DKK2: variants seen among roughly 807,000 people sequenced by gnomAD.
DKK2 encodes dickkopf-related protein 2.
DKK2 carries 11 observed loss-of-function variants against 28.1 expected under a neutral mutation model. The observed-to-expected ratio is 0.39, with a 90% CI of 0.25 to 0.65. The LOEUF is 0.65. DKK2 is among the 30% of genes least tolerant of loss of function. DKK2 has a pLI of 0.47. For synonymous variants in DKK2, 135 were observed against 126.5 expected, an observed-to-expected ratio of 1.07 and a Z score of -0.45; for missense variants, 326 against 335.5, an observed-to-expected ratio of 0.97 and a Z score of 0.22.
At chr4:106,995,190 A>G (rs974604312) in intron 1 of DKK2, among the ~76,000 whole-genome samples, 5 of 152,168 alleles carry the variant, frequency 3.3e-5, no homozygotes, top group Admixed American at 6.5e-5. Flanking sequence ...TTTGAGAATT[A>G]ATGCCTGCAG....
intron 1 of DKK2, among the ~76,000 whole-genome samples, chr4:106,979,769 G>A (rs992341459): frequency 6.6e-6 from 1 of 152,156 alleles, no homozygotes; most frequent in African/African-American, 2.4e-5. Context: ...CCTTACTACC[G>A]ACTTACTCAA....
chr4:106,982,044 AT>A (rs140450461), intron 1 of DKK2, among the ~76,000 whole-genome samples: 4,674 of 152,260 alleles, frequency 0.031, 81 homozygotes, highest in African/African-American at 0.044. Context: ...CTAATAACAT[AT>A]TTTATGATTC....
At chr4:107,003,868 T>C (rs147569776) in intron 1 of DKK2, among the ~76,000 whole-genome samples, 157 of 152,312 alleles carry the variant, frequency 1.0e-3, no homozygotes, top group African/African-American at 3.4e-3. Flanking sequence ...TATACGCACT[T>C]TTGAGAAGCA....
rs550954896 is a variant in DKK2, at chr4:106,972,055, T to C, written c.223-46106A>G. Among the ~76,000 whole-genome samples, 6 of 152,262 alleles carry C rather than the reference T, an allele frequency of 3.9e-5. 1 individual carries two copies. In the East Asian group the frequency reaches 1.2e-3, roughly 29 times the overall value. On this transcript the variant is annotated intron_variant, in intron 1 of 3. Coordinates refer to ENST00000285311, the MANE Select transcript of DKK2 (RefSeq NM_014421.3). ...TAATATGTCCAAATAAATAAAGGCC[T>C]CAGGCCAGTAATGCTGTAATAAATC...
intron 1 of DKK2, among the ~76,000 whole-genome samples, chr4:106,993,466 A>G (rs1723231523): frequency 6.6e-6 from 1 of 152,196 alleles, no homozygotes. Flanking sequence ...ACGAAGACCA[A>G]TTTCCATTAC....
chr4:107,030,356 A>G (rs868295650), intron 1 of DKK2, among the ~76,000 whole-genome samples: 1 of 152,046 alleles, frequency 6.6e-6, no homozygotes, highest in Non-Finnish European at 1.5e-5. Flanking sequence ...AATTTTTCTT[A>G]TGCATTCTAT....
In DKK2 at chr4:106,939,615, G is replaced by C. The variant is rs1043827937; in HGVS notation, c.223-13666C>G. On this transcript the variant is annotated intron_variant, in intron 1 of 3. Transcript: ENST00000285311. ...CAGAATTGGAAAAAACTACTTTCAA[G>C]TTCGTATGGAACCAAAAAAGAGCCC... Among the ~76,000 whole-genome samples the C allele has an allele frequency of 2.0e-5, 3 of 152,114 alleles. 1 individual carries two copies. Among genetic ancestry groups the C allele is most frequent in the Non-Finnish European group, 4.4e-5 (3 of 68,022 alleles).
At chr4:106,984,341 C>A (rs1269489381) in intron 1 of DKK2, among the ~76,000 whole-genome samples, 2 of 152,176 alleles carry the variant, frequency 1.3e-5, no homozygotes, top group Non-Finnish European at 2.9e-5. Flanking sequence ...CCATTAAATA[C>A]TAACTTCCCG....
At chr4:106,991,242 A>AAT (rs1723198818) in intron 1 of DKK2, among the ~76,000 whole-genome samples, 1 of 152,164 alleles carries the variant, frequency 6.6e-6, no homozygotes, top group Non-Finnish European at 1.5e-5. Context: ...CATTTTTGGA[A>AAT]TTGCCCAGGT....
chr4:106,936,091 C>T (rs1411966588), intron 1 of DKK2, among the ~76,000 whole-genome samples: 1 of 152,116 alleles, frequency 6.6e-6, no homozygotes, highest in African/African-American at 2.4e-5. Context: ...AGTTCCTCAC[C>T]AGCAATGGAA....
chr4:106,936,968 G>T (rs1406972463), intron 1 of DKK2, among the ~76,000 whole-genome samples: 2 of 151,270 alleles, frequency 1.3e-5, no homozygotes, highest in African/African-American at 2.4e-5. Context: ...TGAAGGAAGC[G>T]CTAAACATGG....
In DKK2 at chr4:107,035,375, C is replaced by G; in HGVS notation, c.217G>C (p.Gly73Arg). ...FGGSKKGKNL[G>R]QAYPCSSDKE... The stretch of plus-strand genomic sequence containing the variant: ...GTGTTTGGGGGTTTTCCTACCTGCC[C>G]CAGGTTTTTGCCCTTCTTACTGCCG... The change falls in exon 1 of 4, where the codon GGG (glycine) becomes CGG (arginine). Residue 73 changes from glycine to arginine, a missense_variant. Coordinates refer to ENST00000285311, the MANE Select transcript of DKK2 (RefSeq NM_014421.3). 6.2e-7 allele frequency: 1 copy of G among 1,614,118 alleles called. No homozygotes were observed. The highest frequency in any genetic ancestry group is 8.5e-7 in the Non-Finnish European group (1 of 1,179,972).
intron 1 of DKK2, among the ~76,000 whole-genome samples, chr4:106,938,689 G>T (rs1724640426): frequency 6.6e-6 from 1 of 152,118 alleles, no homozygotes; most frequent in South Asian, 2.1e-4. Flanking sequence ...TATCCTTGAT[G>T]AACATTGATG....
chr4:106,978,616 G>C (rs1247226719), intron 1 of DKK2, among the ~76,000 whole-genome samples: 1 of 152,072 alleles, frequency 6.6e-6, no homozygotes, highest in African/African-American at 2.4e-5. Flanking sequence ...ATACCAGGTC[G>C]ACTTCAGACT....
chr4:106,994,925 C>A (rs1723250592), intron 1 of DKK2, among the ~76,000 whole-genome samples: 1 of 152,150 alleles, frequency 6.6e-6, no homozygotes, highest in South Asian at 2.1e-4. Flanking sequence ...CTCATTTGAT[C>A]ATTCAATTTT....
At chr4:106,934,635 T>C (rs1724552087) in intron 1 of DKK2, among the ~76,000 whole-genome samples, 1 of 152,202 alleles carries the variant, frequency 6.6e-6, no homozygotes, top group Admixed American at 6.6e-5. Context: ...TTTCCAAACA[T>C]AACACTTCTC....
chr4:107,026,524 G>T (rs557455327), intron 1 of DKK2, among the ~76,000 whole-genome samples: 381 of 152,136 alleles, frequency 2.5e-3, no homozygotes, highest in Middle Eastern at 0.01. Context: ...GAAAAAAATG[G>T]AAGTATATTT....
At chr4:106,935,495 C>T (rs1234468560) in intron 1 of DKK2, among the ~76,000 whole-genome samples, 1 of 152,228 alleles carries the variant, frequency 6.6e-6, no homozygotes, top group South Asian at 2.1e-4. Flanking sequence ...ATTGCTAGCA[C>T]AGCAGTCTGA....
chr4:107,001,879 A>AT (rs1444824685), intron 1 of DKK2, among the ~76,000 whole-genome samples: 1 of 152,242 alleles, frequency 6.6e-6, no homozygotes, highest in Non-Finnish European at 1.5e-5. Context: ...AACATGTTGA[A>AT]TTCACAATAT....
Sources: allele counts gnomAD v4.1 joint callset (sites outside exome capture counted in the v4.1 genomes callset), GRCh38; gene constraint gnomAD v4.1.1; transcripts MANE v1.5; gene names NCBI Gene and HGNC (gene_info 2026-07-23, HGNC 2026-07-21).